CTNNA2: variants seen among roughly 807,000 people sequenced by gnomAD.
CTNNA2 encodes the protein catenin alpha-2.
Under a neutral mutation model 101.0 loss-of-function variants are expected in CTNNA2, and 42 were observed. That is an observed-to-expected ratio of 0.42 (90% CI 0.32 to 0.54). CTNNA2 has a LOEUF of 0.54. Among genes scored for constraint, CTNNA2 ranks in the 20% least tolerant of loss-of-function variants. CTNNA2 has a pLI of 0.14. For missense variants in CTNNA2, 871 were observed against 1,223.1 expected (o/e 0.71, Z 4.29); for synonymous variants, 450 against 456.4 (o/e 0.99, Z 0.18).
At chr2:79,904,303 T>G (rs1441805868) in intron 6 of CTNNA2, among the ~76,000 whole-genome samples, 1 of 152,208 alleles carries the variant, frequency 6.6e-6, no homozygotes, top group Non-Finnish European at 1.5e-5. Context: ...ATTTAATATG[T>G]GCTCTTAGAC....
chr2:80,096,934 C>G (rs1700193234), intron 7 of CTNNA2, among the ~76,000 whole-genome samples: 2 of 152,258 alleles, frequency 1.3e-5, no homozygotes, highest in South Asian at 4.2e-4. Context: ...GAATACAGCA[C>G]ACTGATGGGT....
chr2:79,434,295 C>CAAAAAAAAAAAA (rs367927495), intron 4 of CTNNA2, among the ~76,000 whole-genome samples: 1 of 95,492 alleles, frequency 1.0e-5, no homozygotes, highest in African/African-American at 4.0e-5. Context: ...GAGACTCTGT[C>CAAAAAAAAAAAA]AAAAAAAAAA....
chr2:79,349,028 G>A (rs1009060126), intron 3 of CTNNA2, among the ~76,000 whole-genome samples: 2 of 152,198 alleles, frequency 1.3e-5, no homozygotes, highest in African/African-American at 4.8e-5. Flanking sequence ...TATTAAGATA[G>A]AAGTCATGAT....
At chr2:79,263,026 A>T (rs1416501961) in intron 2 of CTNNA2, among the ~76,000 whole-genome samples, 1 of 152,238 alleles carries the variant, frequency 6.6e-6, no homozygotes, top group African/African-American at 2.4e-5. Flanking sequence ...AAATTAAAAA[A>T]TAGTAAACAC....
intron 3 of CTNNA2, among the ~76,000 whole-genome samples, chr2:79,812,108 A>G (rs72824569): frequency 0.062 from 9,433 of 152,236 alleles, 355 homozygotes; most frequent in Middle Eastern, 0.12. Flanking sequence ...GACCTTCTAA[A>G]TTTAAGTATT....
At position 80,303,504 on chromosome 2, in the gene CTNNA2, C is replaced by T. The variant is rs779900741; in HGVS notation, c.1057-89707C>T. On this transcript the variant is annotated intron_variant, in intron 7 of 18. Transcript: ENST00000402739. This position sits in a 1 kb window ranked among gnomAD's most constrained non-coding sequence, Gnocchi z 7.7. ...CGGCGCAGTTTCTGAAAGGCGTCCC[C>T]CTGCACGGAGCAGATGTGATTGTGA... is the stretch of plus-strand genomic sequence containing the variant. The T allele has an allele frequency of 1.9e-6, 3 of 1,614,234 alleles. No individual in the cohort carries two copies. Among genetic ancestry groups the T allele is most frequent in the Non-Finnish European group, 2.5e-6 (3 of 1,180,046 alleles).
intron 2 of CTNNA2, among the ~76,000 whole-genome samples, chr2:79,682,618 T>C: frequency 6.6e-6 from 1 of 151,970 alleles, no homozygotes; most frequent in Non-Finnish European, 1.5e-5. Flanking sequence ...TATAAATGAG[T>C]CATGAAATAT....
chr2:80,248,657 T>C (rs1025919503), intron 7 of CTNNA2, among the ~76,000 whole-genome samples: 1 of 152,138 alleles, frequency 6.6e-6, no homozygotes, highest in African/African-American at 2.4e-5. Flanking sequence ...GGTTGGATCA[T>C]TGAGGCCTTA....
intron 9 of CTNNA2, among the ~76,000 whole-genome samples, chr2:80,460,566 C>T (rs541164822): frequency 6.6e-6 from 1 of 152,134 alleles, no homozygotes; most frequent in South Asian, 2.1e-4. Flanking sequence ...CTTTCCCTCC[C>T]TATCACACCC....
At chr2:80,189,192 G>C (rs1184877445) in intron 7 of CTNNA2, among the ~76,000 whole-genome samples, 1 of 152,082 alleles carries the variant, frequency 6.6e-6, no homozygotes, top group Non-Finnish European at 1.5e-5. Flanking sequence ...GGCCTCAGGT[G>C]ATCCACCTGC....
chr2:79,298,447 A>C (rs1446506213), intron 2 of CTNNA2, among the ~76,000 whole-genome samples: 1 of 152,098 alleles, frequency 6.6e-6, no homozygotes, highest in Non-Finnish European at 1.5e-5. Flanking sequence ...CAAGCATCCA[A>C]ATTATACATC....
intron 6 of CTNNA2, among the ~76,000 whole-genome samples, chr2:79,902,577 A>T (rs1460818716): frequency 6.6e-6 from 1 of 151,606 alleles, no homozygotes; most frequent in East Asian, 1.9e-4. Context: ...CCTGCTCTTC[A>T]TCTGTTATCT....
chr2:79,591,914 T>A (rs1282308033), intron 1 of CTNNA2, among the ~76,000 whole-genome samples: 6 of 151,616 alleles, frequency 4.0e-5, no homozygotes, highest in Non-Finnish European at 5.9e-5. Context: ...AAAAATTTTT[T>A]TTTTTTTTTT....
intron 1 of CTNNA2, chr2:79,524,548 T>TACAC (rs142068588): frequency 6.7e-5 from 10 of 150,016 alleles, no homozygotes; most frequent in African/African-American, 2.4e-4. Flanking sequence ...CACACACACA[T>TACAC]ACACACACAC....
At position 80,122,878 on chromosome 2, in the gene CTNNA2, C is replaced by T. The variant is rs188984679; in HGVS notation, c.1056+213081C>T. Among the ~76,000 whole-genome samples the T allele has an allele frequency of 2.3e-3, 354 of 152,208 alleles. 3 individuals are homozygous for T. The highest frequency in any genetic ancestry group is 8.1e-3 in the African/African-American group (338 of 41,528). On this transcript the variant is annotated intron_variant, in intron 7 of 18. Coordinates refer to ENST00000402739, the MANE Select transcript of CTNNA2 (RefSeq NM_001282597.3). Reference sequence around the variant, plus strand: ...GCAAGGAGAATATTTCTGTTAGTTTCCTGAGCAGACTGCAGAGTCAGCTTA... The same window carrying T: ...GCAAGGAGAATATTTCTGTTAGTTTTCTGAGCAGACTGCAGAGTCAGCTTA...
intron 7 of CTNNA2, among the ~76,000 whole-genome samples, chr2:80,278,693 G>A (rs549879298): frequency 8.7e-4 from 132 of 152,194 alleles, no homozygotes; most frequent in Non-Finnish European, 1.4e-3. Flanking sequence ...AAAGAATGGC[G>A]TGGCTCATCT....
At chr2:79,822,724 TTTCTC>T (rs1678108304) in intron 3 of CTNNA2, among the ~76,000 whole-genome samples, 1 of 152,178 alleles carries the variant, frequency 6.6e-6, no homozygotes, top group Admixed American at 6.6e-5. Flanking sequence ...CTAGTGGCCT[TTTCTC>T]TACACTGTAA....
intron 7 of CTNNA2, among the ~76,000 whole-genome samples, chr2:80,172,207 C>T (rs1243938581): frequency 6.6e-6 from 1 of 152,118 alleles, no homozygotes; most frequent in Admixed American, 6.6e-5. Context: ...TTTTTTCAGC[C>T]CAACTAACTG....
chr2:80,222,143 A>G (rs1403862221), intron 7 of CTNNA2, among the ~76,000 whole-genome samples: 1 of 152,136 alleles, frequency 6.6e-6, no homozygotes, highest in African/African-American at 2.4e-5. Flanking sequence ...AGGAGTCAGG[A>G]TGAAAAGCAC....
Sources: gnomAD v4.1 joint callset for allele counts (sites outside exome capture counted in the v4.1 genomes callset) on GRCh38, gnomAD v4.1.1 for gene constraint, Gnocchi (gnomAD v3.1) non-coding constraint, MANE v1.5 for transcripts, NCBI Gene and HGNC (gene_info 2026-07-23, HGNC 2026-07-21) for gene names.